RUNX1T1: variants seen among roughly 807,000 people sequenced by gnomAD.
RUNX1T1 encodes protein CBFA2T1.
In RUNX1T1, 4 loss-of-function variants were observed where a neutral mutation model predicts 62.8. The observed-to-expected ratio is 0.06, with a 90% CI of 0.03 to 0.15. RUNX1T1 has a LOEUF of 0.15. Ranked by LOEUF, RUNX1T1 falls within the 10% of genes least tolerant of loss-of-function variation. RUNX1T1 has a pLI of 1.00. For missense variants in RUNX1T1, 508 were observed against 754.3 expected (o/e 0.67, Z 3.82); for synonymous variants, 291 against 286.0 (o/e 1.02, Z -0.18).
intron 1 of RUNX1T1, among the ~76,000 whole-genome samples, chr8:92,051,682 G>GGCTTGGAAGATAT (rs1414774144): frequency 6.6e-6 from 1 of 151,428 alleles, no homozygotes; most frequent in African/African-American, 2.4e-5. Context: ...GTTCAGACGC[G>GGCTTGGAAGATAT]GCTTGGAAGA....
chr8:92,044,364 T>G (rs1829012207), intron 1 of RUNX1T1, among the ~76,000 whole-genome samples: 1 of 152,204 alleles, frequency 6.6e-6, no homozygotes, highest in Non-Finnish European at 1.5e-5. Flanking sequence ...ATGTGACTTC[T>G]GCAAGTTCTC....
intron 7 of RUNX1T1, 82 bp downstream of exon 8, chr8:91,986,805 C>T (rs1324698433): frequency 1.4e-5 from 13 of 923,104 alleles, no homozygotes; most frequent in East Asian, 4.8e-5. Context: ...CAAAGGATCA[C>T]CAAGCTTTTA....
chr8:92,027,094 C>G (rs1486949274), intron 1 of RUNX1T1, among the ~76,000 whole-genome samples: 3 of 132,700 alleles, frequency 2.3e-5, no homozygotes, highest in African/African-American at 8.5e-5. Context: ...CCAGCCTGGG[C>G]GACAGAGCGA....
intron 1 of RUNX1T1, among the ~76,000 whole-genome samples, chr8:92,041,813 G>C (rs1357707346): frequency 6.6e-6 from 1 of 151,070 alleles, no homozygotes; most frequent in Non-Finnish European, 1.5e-5. Context: ...AAAAATGAAG[G>C]GGTGGGTTTT....
upstream of RUNX1T1, among the ~76,000 whole-genome samples, chr8:92,064,607 C>T (rs570466666): frequency 6.6e-6 from 1 of 152,204 alleles, no homozygotes; most frequent in East Asian, 1.9e-4. Flanking sequence ...CCACTTAATG[C>T]TACATGCCAC....
intron 2 of RUNX1T1, among the ~76,000 whole-genome samples, chr8:92,016,578 G>T (rs1445153707): frequency 6.6e-6 from 1 of 152,146 alleles, no homozygotes; most frequent in South Asian, 2.1e-4. Flanking sequence ...AGGAGGCTGA[G>T]GCAGGAGAAT....
chr8:92,015,879 G>A (rs1194224717), intron 2 of RUNX1T1, among the ~76,000 whole-genome samples: 1 of 152,174 alleles, frequency 6.6e-6, no homozygotes, highest in Non-Finnish European at 1.5e-5. Flanking sequence ...ACATCTCACA[G>A]GAGACATATG....
intron 1 of RUNX1T1, among the ~76,000 whole-genome samples, chr8:92,060,255 C>G (rs1040447899): frequency 1.3e-5 from 2 of 151,762 alleles, no homozygotes. Context: ...GCATCCTTAG[C>G]CTCTTTTGAC....
Position 92,043,936 on chromosome 8 carries a change from C to T in RUNX1T1, c.7+18610G>A, listed in dbSNP as rs1004476343. Among the ~76,000 whole-genome samples, 4 of 150,070 alleles carry T rather than the reference C, an allele frequency of 2.7e-5. No homozygotes were observed. The East Asian group carries it at 5.9e-4, about 22-fold the overall frequency. ...GAGGTTGCAGTGAGCTGAGATCAAG[C>T]CATTGCACTCCAGCCTGGGCAACAA... is the stretch of plus-strand genomic sequence containing the variant. On this transcript the variant is annotated intron_variant, in intron 1 of 10. Coordinates refer to ENST00000396218, the Ensembl canonical transcript of RUNX1T1.
At chr8:92,041,351 C>T (rs559655968) in intron 1 of RUNX1T1, among the ~76,000 whole-genome samples, 3 of 152,290 alleles carry the variant, frequency 2.0e-5, no homozygotes, top group African/African-American at 7.2e-5. Context: ...TTCACAAAGG[C>T]CGGGGCTTTG....
At chr8:92,011,330 A>C (rs1355187852) in intron 3 of RUNX1T1, among the ~76,000 whole-genome samples, 1 of 152,236 alleles carries the variant, frequency 6.6e-6, no homozygotes, top group Non-Finnish European at 1.5e-5. Flanking sequence ...TACTTTGAGG[A>C]TAATGTGCAT....
At chr8:91,998,074 T>C (rs905873028) in intron 5 of RUNX1T1, among the ~76,000 whole-genome samples, 4 of 152,298 alleles carry the variant, frequency 2.6e-5, no homozygotes, top group Non-Finnish European at 4.4e-5. Flanking sequence ...AAGATTGCCA[T>C]AGAATGACTA....
intron 1 of RUNX1T1, among the ~76,000 whole-genome samples, chr8:92,097,182 A>G (rs1412465441): frequency 6.6e-6 from 1 of 152,200 alleles, no homozygotes; most frequent in Non-Finnish European, 1.5e-5. Flanking sequence ...TCATGGTATC[A>G]CTGAGACGAG....
chr8:92,058,127 G>A (rs1027622422), intron 1 of RUNX1T1, among the ~76,000 whole-genome samples: 3 of 152,118 alleles, frequency 2.0e-5, no homozygotes, highest in Non-Finnish European at 4.4e-5. Flanking sequence ...ACTATGTTCA[G>A]GCCCTGTTTA....
At chr8:92,095,330 CT>C (rs1329507764) in intron 1 of RUNX1T1, 2 of 1,532,780 alleles carry the variant, frequency 1.3e-6, no homozygotes, top group Admixed American at 2.0e-5. Flanking sequence ...CCTCCCTCCC[CT>C]GTTCACGGAG....
At chr8:92,080,504 A>G (rs1244210335) in intron 1 of RUNX1T1, among the ~76,000 whole-genome samples, 2 of 152,266 alleles carry the variant, frequency 1.3e-5, no homozygotes, top group African/African-American at 4.8e-5. Flanking sequence ...GAACTGCAGC[A>G]GAGTCCATAC....
intron 1 of RUNX1T1, among the ~76,000 whole-genome samples, chr8:92,058,576 T>A (rs1831411786): frequency 2.6e-5 from 4 of 152,136 alleles, no homozygotes; most frequent in Admixed American, 2.6e-4. Context: ...GTTAAGAAAA[T>A]GTCCTCAAAA....
intron 8 of RUNX1T1, among the ~76,000 whole-genome samples, chr8:91,978,371 C>A (rs558377466): frequency 6.6e-6 from 1 of 152,298 alleles, no homozygotes; most frequent in South Asian, 2.1e-4. Flanking sequence ...ATTACATACA[C>A]ATCCTAAACT....
At chr8:91,968,860 C>T (rs1251574502) in intron 10 of RUNX1T1, among the ~76,000 whole-genome samples, 4 of 152,132 alleles carry the variant, frequency 2.6e-5, no homozygotes, top group East Asian at 3.9e-4. Context: ...TAGACACTTC[C>T]ACTCTTCTTC....
Sources: gnomAD v4.1 joint callset for allele counts (sites outside exome capture counted in the v4.1 genomes callset) on GRCh38, gnomAD v4.1.1 for gene constraint, MANE v1.5 for transcripts, NCBI Gene and HGNC (gene_info 2026-07-23, HGNC 2026-07-21) for gene names.